Variants in MTX2 observed in about 807,000 individuals in gnomAD.
The protein encoded by MTX2 is metaxin 2.
MTX2 carries 35 observed loss-of-function variants against 42.3 expected under a neutral mutation model. The observed-to-expected ratio is 0.83, with a 90% CI of 0.63 to 1.10. The LOEUF is 1.10. Among genes scored for constraint, MTX2 ranks in the 50% least tolerant of loss-of-function variants. The pLI is 0.00. For missense variants in MTX2, 307 were observed against 304.1 expected, an observed-to-expected ratio of 1.01 and a Z score of -0.07; for synonymous variants, 119 against 100.9, an observed-to-expected ratio of 1.18 and a Z score of -1.08.
At chr2:176,331,754 C>A (rs1684869743) in intron 9 of MTX2, among the ~76,000 whole-genome samples, 1 of 151,018 alleles carries the variant, frequency 6.6e-6, no homozygotes, top group African/African-American at 2.4e-5. Flanking sequence ...TTTTTCAGTC[C>A]CTAACACAAG....
At position 176,332,593 on chromosome 2, in the gene MTX2, G is replaced by A. The variant is rs545510058; in HGVS notation, c.620+1933G>A. Among the ~76,000 whole-genome samples, 6 of 151,376 alleles carry A rather than the reference G, an allele frequency of 4.0e-5. No homozygotes were observed. The East Asian group carries it at 5.8e-4, about 15-fold the overall frequency. On this transcript the variant is annotated intron_variant, in intron 9 of 9. Transcript: ENST00000249442. ...GGACTCGTGAAAGAAACCAAATACCGTTACTTGATGAGAGAAAAGGAAAAG... is the reference window on the plus strand; with the variant it reads ...GGACTCGTGAAAGAAACCAAATACCATTACTTGATGAGAGAAAAGGAAAAG...
At chr2:176,336,726 C>T (rs1684994514) in intron 9 of MTX2, among the ~76,000 whole-genome samples, 1 of 152,170 alleles carries the variant, frequency 6.6e-6, no homozygotes, top group East Asian at 1.9e-4. Context: ...AAGCAAGTCA[C>T]ACAACTAGCA....
chr2:176,320,723 CTTG>C (rs1684565845), intron 3 of MTX2, among the ~76,000 whole-genome samples: 1 of 141,152 alleles, frequency 7.1e-6, no homozygotes, highest in South Asian at 2.2e-4. Context: ...GAGACAGGGT[CTTG>C]TTGTATTGCC....
chr2:176,314,394 A>T (rs1321321417), intron 3 of MTX2, among the ~76,000 whole-genome samples: 2 of 151,702 alleles, frequency 1.3e-5, no homozygotes, highest in Admixed American at 6.6e-5. Context: ...TCGAGATTGC[A>T]CTGCTGCACT....
At chr2:176,328,680 G>A (rs1013540979) in intron 6 of MTX2, among the ~76,000 whole-genome samples, 194 bp from the exon 7 acceptor site, 1 of 151,244 alleles carries the variant, frequency 6.6e-6, no homozygotes, top group Non-Finnish European at 1.5e-5. Context: ...ATTTAGACAT[G>A]TATTGTGTGA....
At chr2:176,322,851 A>G (rs1299890786) in intron 3 of MTX2, among the ~76,000 whole-genome samples, 1 of 151,902 alleles carries the variant, frequency 6.6e-6, no homozygotes, top group Non-Finnish European at 1.5e-5. Flanking sequence ...TTTTGTAACT[A>G]TGAGCAAAGA....
chr2:176,272,607 G>T (rs1281037274), intron 1 of MTX2, among the ~76,000 whole-genome samples: 1 of 152,016 alleles, frequency 6.6e-6, no homozygotes, highest in African/African-American at 2.4e-5. Flanking sequence ...AAATGAAGAA[G>T]TATATCTGTT....
At chr2:176,333,931 G>A (rs2105449335) in intron 9 of MTX2, among the ~76,000 whole-genome samples, 1 of 151,856 alleles carries the variant, frequency 6.6e-6, no homozygotes, top group African/African-American at 2.4e-5. Flanking sequence ...TGTTCACACA[G>A]TGAGAAAATT....
intron 3 of MTX2, among the ~76,000 whole-genome samples, chr2:176,316,381 T>TTTTA (rs773097298): frequency 5.3e-5 from 8 of 152,032 alleles, no homozygotes; most frequent in African/African-American, 4.8e-5. Flanking sequence ...TTGCTCTTTA[T>TTTTA]TTTATTTATT....
intron 1 of MTX2, among the ~76,000 whole-genome samples, chr2:176,273,551 A>G (rs954395804): frequency 6.6e-6 from 1 of 152,114 alleles, no homozygotes; most frequent in Non-Finnish European, 1.5e-5. Context: ...TTTTGGAAAC[A>G]TTTAAAGATA....
intron 3 of MTX2, among the ~76,000 whole-genome samples, chr2:176,320,624 GAA>G (rs1684560879): frequency 6.6e-6 from 1 of 151,342 alleles, no homozygotes; most frequent in South Asian, 2.1e-4. Flanking sequence ...CATTACAGTG[GAA>G]AAAGTGTCCT....
chr2:176,283,149 G>A (rs187929473), intron 1 of MTX2, among the ~76,000 whole-genome samples: 2 of 152,282 alleles, frequency 1.3e-5, no homozygotes, highest in Admixed American at 1.3e-4. Flanking sequence ...AGCCAGGTAT[G>A]TGTGACTCTG....
At chr2:176,330,339 T>C (rs564359726) in intron 8 of MTX2, among the ~76,000 whole-genome samples, 77 of 145,518 alleles carry the variant, frequency 5.3e-4, no homozygotes, top group African/African-American at 1.9e-3. Flanking sequence ...AAGTATTATA[T>C]ATATATACTT....
rs149349446 is a variant in MTX2, at chr2:176,296,749, C to T, written c.41-111C>T. On this transcript the variant is annotated intron_variant, in intron 1 of 9. Transcript: ENST00000249442. ...GATTAGTTGCCATGTATAAGTCAAC[C>T]TTAGCAAATGACTTTAAATGCTGTA... The T allele has an allele frequency of 4.6e-4, 504 of 1,096,362 alleles. 2 individuals carry two copies. The African/African-American group carries it at 6.7e-3, about 15-fold the overall frequency. The allele number at this position is 1,096,362 out of a possible 1,614,324, so 67.9% of individuals were successfully genotyped here.
At chr2:176,292,337 A>T (rs1475433992) in intron 1 of MTX2, among the ~76,000 whole-genome samples, 3 of 152,208 alleles carry the variant, frequency 2.0e-5, no homozygotes, top group Admixed American at 6.5e-5. Flanking sequence ...AGTAAAATAT[A>T]AAAATGTTTT....
chr2:176,272,506 A>G (rs781096749), intron 1 of MTX2, among the ~76,000 whole-genome samples: 1 of 152,180 alleles, frequency 6.6e-6, no homozygotes, highest in African/African-American at 2.4e-5. Flanking sequence ...TTAGTTCAAA[A>G]TATCACGTTG....
chr2:176,315,499 T>C (rs571182601), intron 3 of MTX2, among the ~76,000 whole-genome samples: 1 of 152,302 alleles, frequency 6.6e-6, no homozygotes, highest in Non-Finnish European at 1.5e-5. Context: ...AAAAGCCTCC[T>C]AATTAGTTCT....
At chr2:176,301,852 A>G (rs139208610) in intron 3 of MTX2, among the ~76,000 whole-genome samples, 50 of 152,290 alleles carry the variant, frequency 3.3e-4, no homozygotes, top group Non-Finnish European at 1.6e-4. Context: ...TCTTACCTCT[A>G]TAATATTATG....
chr2:176,275,191 G>A (rs528249748), intron 1 of MTX2, among the ~76,000 whole-genome samples: 139 of 152,048 alleles, frequency 9.1e-4, no homozygotes, highest in Middle Eastern at 6.8e-3. Context: ...GGTAAGTTAT[G>A]CTTTTGAATG....
Sources: gnomAD v4.1 joint callset for allele counts (sites outside exome capture counted in the v4.1 genomes callset) on GRCh38, gnomAD v4.1.1 for gene constraint, MANE v1.5 for transcripts, NCBI Gene and HGNC (gene_info 2026-07-23, HGNC 2026-07-21) for gene names.